NHSL2: variants seen among roughly 807,000 people sequenced by gnomAD.
NHSL2 encodes NHS-like protein 2.
Under a neutral mutation model 53.4 loss-of-function variants are expected in NHSL2, and 27 were observed. The ratio of observed to expected loss-of-function variants is 0.51; its 90% CI spans 0.37 to 0.70. The LOEUF (loss-of-function observed/expected upper bound fraction) is 0.70. Among genes scored for constraint, NHSL2 ranks in the 30% least tolerant of loss-of-function variants. NHSL2 has a pLI of 0.00. For synonymous variants in NHSL2, 408 were observed against 404.1 expected (o/e 1.01, Z -0.12); for missense variants, 892 against 980.1 (o/e 0.91, Z 1.20).
intron 1 of NHSL2, among the ~76,000 whole-genome samples, chrX:71,972,236 T>C (rs1463706997): frequency 9.0e-6 from 1 of 111,310 alleles, no homozygotes; most frequent in East Asian, 2.8e-4. Context: ...GGTTTCACCA[T>C]GTTGGCCAGG....
At chrX:72,038,003 A>G (rs911062508) in intron 1 of NHSL2, among the ~76,000 whole-genome samples, 2 of 112,204 alleles carry the variant, frequency 1.8e-5, no homozygotes, top group Middle Eastern at 4.6e-3. Context: ...AATCCAAAAT[A>G]CCAAAAGCTC....
At chrX:72,088,635 G>A (rs999473364) in intron 1 of NHSL2, among the ~76,000 whole-genome samples, 4 of 111,541 alleles carry the variant, frequency 3.6e-5, no homozygotes, top group African/African-American at 1.3e-4. Context: ...ATTTTCTGGG[G>A]TCCCTTATGA....
rs1185707571 is a variant in NHSL2, at chrX:72,148,815, G to A, written c.*5241G>A. ...CAGCAACAGCAGCATCCCTGGAGAGGGAGAAAGAGAGAGAGAGAGAGTGTA... is the reference window on the plus strand; with the variant it reads ...CAGCAACAGCAGCATCCCTGGAGAGAGAGAAAGAGAGAGAGAGAGAGTGTA... On this transcript the variant is annotated 3_prime_UTR_variant, in exon 8 of 8. Transcript: ENST00000633930. The A allele has an allele frequency of 1.7e-4, 15 of 88,863 alleles. No individual in the cohort carries two copies. The highest frequency in any genetic ancestry group is 6.0e-4 in the African/African-American group (15 of 24,910). The allele number at this position is 88,863 out of a possible 1,213,427, so 7.3% of individuals were successfully genotyped here.
At chrX:72,096,034 T>A (rs1362326293) in intron 1 of NHSL2, among the ~76,000 whole-genome samples, 1 of 109,594 alleles carries the variant, frequency 9.1e-6, no homozygotes, top group Non-Finnish European at 1.9e-5. Context: ...AGCTTTCAGG[T>A]CACAGGGGTA....
intron 1 of NHSL2, among the ~76,000 whole-genome samples, chrX:72,064,884 C>T (rs956833842): frequency 1.8e-5 from 2 of 111,555 alleles, no homozygotes; most frequent in East Asian, 2.8e-4. Context: ...CCATTCTTCC[C>T]CAAACTCCAA....
At chrX:72,129,828 C>T in intron 1 of NHSL2, 1 of 1,185,804 alleles carries the variant, frequency 8.4e-7, no homozygotes, top group East Asian at 3.0e-5. Flanking sequence ...CTGGCCCCAG[C>T]ACTCAAACTC....
At chrX:72,118,362 A>G (rs1312684040) in intron 1 of NHSL2, among the ~76,000 whole-genome samples, 10 of 112,081 alleles carry the variant, frequency 8.9e-5, no homozygotes, top group African/African-American at 2.9e-4. Flanking sequence ...AGATATTTTT[A>G]TATGTTCGGA....
At chrX:71,947,336 C>G (rs1221030949) in intron 1 of NHSL2, among the ~76,000 whole-genome samples, 1 of 112,085 alleles carries the variant, frequency 8.9e-6, no homozygotes, top group Non-Finnish European at 1.9e-5. Context: ...CCGTTCCTAA[C>G]CTCGTCCTGC....
rs2042397997 is a variant in NHSL2, at chrX:72,139,883, C to T, written c.2335C>T (p.Pro779Ser). The T allele has an allele frequency of 8.3e-7, 1 of 1,209,408 alleles. No homozygotes were observed. The highest frequency in any genetic ancestry group is 1.8e-5 in the South Asian group (1 of 56,755). The change falls in exon 6 of 8, where the codon CCC (proline) becomes TCC (serine). Residue 779 changes from proline (P) to serine (S), a missense_variant. Pro to Ser is a moderately conservative substitution (Grantham distance 74). Coordinates refer to ENST00000633930, the MANE Select transcript of NHSL2 (RefSeq NM_001013627.3). ...LSFDLPLTSS[P>S]NLDLSGMSIS... ...ATTTGACCTACCACTGACCTCTTCA[C>T]CCAACCTGGATCTGTCTGGGATGAG...
chrX:72,006,706 A>G (rs917049216), intron 1 of NHSL2, among the ~76,000 whole-genome samples: 2 of 112,078 alleles, frequency 1.8e-5, no homozygotes, highest in East Asian at 2.8e-4. Context: ...ATGTGCCACC[A>G]TGCCTGGCTA....
At chrX:72,052,297 G>A (rs1025370214) in intron 1 of NHSL2, among the ~76,000 whole-genome samples, 1 of 112,276 alleles carries the variant, frequency 8.9e-6, no homozygotes. Context: ...CTGTCTGACT[G>A]GATGCTCAAT....
intron 1 of NHSL2, among the ~76,000 whole-genome samples, chrX:72,033,723 T>C (rs1398284435): frequency 8.9e-6 from 1 of 112,353 alleles, no homozygotes; most frequent in African/African-American, 3.2e-5. Flanking sequence ...CAGTGGTCTT[T>C]TCTGTGTTGA....
intron 1 of NHSL2, among the ~76,000 whole-genome samples, chrX:72,086,394 G>C (rs962644743): frequency 3.6e-5 from 4 of 112,227 alleles, no homozygotes; most frequent in Non-Finnish European, 7.5e-5. Flanking sequence ...GTAAGGGTTA[G>C]CAAGGTAGGC....
intron 1 of NHSL2, chrX:72,129,993 T>C (rs2042269861): frequency 3.3e-6 from 4 of 1,211,426 alleles, no homozygotes; most frequent in Non-Finnish European, 3.4e-6. Flanking sequence ...CTGGAAGGCC[T>C]TCCAGAAGTG....
chrX:72,140,112 G>C lies in NHSL2; in HGVS notation c.2564G>C (p.Arg855Thr), dbSNP rs748291394. The change falls in exon 6 of 8, where the codon AGA (arginine) becomes ACA (threonine). Residue 855 changes from arginine (R) to threonine (T), a missense_variant. Arg to Thr is a moderately conservative substitution (Grantham distance 71, BLOSUM62 -1). Transcript: ENST00000633930. ...AGCCCTGAGTATGCCGAGGAACCCA[G>C]AGCAGAAGAAGTCTTCACCTTGCCA... ...IESPEYAEEP[R>T]AEEVFTLPER... The C allele has an allele frequency of 2.5e-6, 3 of 1,210,553 alleles. No homozygotes were observed. The Admixed American group carries it at 6.5e-5, about 26-fold the overall frequency.
intron 1 of NHSL2, among the ~76,000 whole-genome samples, chrX:71,952,747 G>A (rs2041826537): frequency 9.0e-6 from 1 of 110,875 alleles, no homozygotes; most frequent in Non-Finnish European, 1.9e-5. Flanking sequence ...GCAGACACGT[G>A]TCTTCAGTTT....
intron 1 of NHSL2, among the ~76,000 whole-genome samples, chrX:72,097,212 C>G (rs1457899068): frequency 8.9e-6 from 1 of 111,999 alleles, no homozygotes; most frequent in Non-Finnish European, 1.9e-5. Context: ...GAGAAGAGGG[C>G]CCAAAAGGGG....
At chrX:72,025,757 G>A (rs772373805) in intron 1 of NHSL2, among the ~76,000 whole-genome samples, 3 of 111,853 alleles carry the variant, frequency 2.7e-5, no homozygotes, top group South Asian at 7.5e-4. Flanking sequence ...GGCTCTTCCA[G>A]GTATGAAGGG....
chrX:72,129,906 T>G (rs761731491), intron 1 of NHSL2: 3 of 1,208,624 alleles, frequency 2.5e-6, no homozygotes, highest in Non-Finnish European at 1.1e-6. Context: ...CAGGGGGGCG[T>G]CTTCGAACTT....
Sources: allele counts gnomAD v4.1 joint callset (sites outside exome capture counted in the v4.1 genomes callset), GRCh38; gene constraint gnomAD v4.1.1; transcripts MANE v1.5; gene names NCBI Gene and HGNC (gene_info 2026-07-23, HGNC 2026-07-21).